CPSF2: variants seen among roughly 807,000 people sequenced by gnomAD.
CPSF2 encodes cleavage and polyadenylation specific factor 2.
A neutral mutation model predicts 84.2 loss-of-function variants in CPSF2; 51 were observed. The observed-to-expected ratio is 0.61, with a 90% CI of 0.48 to 0.77. The LOEUF (loss-of-function observed/expected upper bound fraction) is 0.77. Among genes scored for constraint, CPSF2 ranks in the 30% least tolerant of loss-of-function variants. CPSF2 has a pLI of 0.00. For synonymous variants in CPSF2, 286 were observed against 311.9 expected (o/e 0.92, Z 0.87); for missense variants, 641 against 929.4 (o/e 0.69, Z 4.03).
At position 92,143,111 on chromosome 14, in the gene CPSF2, T is replaced by G. The variant is rs1286943677; in HGVS notation, c.957T>G (p.Arg319=). The G allele has an allele frequency of 1.2e-6, 2 of 1,614,194 alleles. No individual in the cohort carries two copies. The highest frequency in any genetic ancestry group is 1.7e-5 in the Admixed American group (1 of 60,012). ...SLCHGLSDLA[R]VPSPKVVLAS... ...GTCATGGTCTTTCTGACTTGGCCCG[T>G]GTACCTAGCCCTAAAGTTGTACTTG... The change falls in exon 9 of 16, where the codon CGT becomes CGG. Residue 319 remains arginine (R), a synonymous_variant. Coordinates refer to ENST00000298875, the MANE Select transcript of CPSF2 (RefSeq NM_017437.3).
At position 92,157,082 on chromosome 14, in the gene CPSF2, G is replaced by A. The variant is rs1048102908; in HGVS notation, c.1595+451G>A. 6.6e-6 allele frequency among the ~76,000 whole-genome samples: 1 copy of A among 152,072 alleles called. No individual in the cohort carries two copies. The highest frequency in any genetic ancestry group is 2.1e-4 in the South Asian group (1 of 4,824). ...AGTAGTTAGAAACCTTTTTTCTCCCGCTTTCTACTTAGTTAAATAATACCA... is the reference window on the plus strand; with the variant it reads ...AGTAGTTAGAAACCTTTTTTCTCCCACTTTCTACTTAGTTAAATAATACCA... On this transcript the variant is annotated intron_variant, in intron 12 of 15. Coordinates refer to ENST00000298875, the MANE Select transcript of CPSF2 (RefSeq NM_017437.3). The surrounding 1 kb of genome is among the most constrained non-coding windows in gnomAD (Gnocchi z 4.0).
chr14:92,141,680 T>TACAGGCATGCGCCACCATG (rs2069080600), intron 7 of CPSF2, among the ~76,000 whole-genome samples: 1 of 151,882 alleles, frequency 6.6e-6, no homozygotes, highest in Non-Finnish European at 1.5e-5. Context: ...TTCGTGGGAG[T>TACAGGCATGCGCCACCATG]CCCGGGGCCA....
At chr14:92,132,354 C>T (rs962567543) in intron 3 of CPSF2, among the ~76,000 whole-genome samples, 26 of 151,820 alleles carry the variant, frequency 1.7e-4, no homozygotes, top group African/African-American at 5.6e-4. Flanking sequence ...AGACTGGTCC[C>T]GAACTCCTGA....
intron 9 of CPSF2, among the ~76,000 whole-genome samples, chr14:92,152,221 C>G (rs192677613): frequency 6.9e-4 from 105 of 152,176 alleles, no homozygotes; most frequent in Non-Finnish European, 1.1e-3. Flanking sequence ...CCTCCGCCTC[C>G]CAGGTTCAAG....
At chr14:92,136,847 T>G (rs1327001739) in intron 6 of CPSF2, among the ~76,000 whole-genome samples, 1 of 152,192 alleles carries the variant, frequency 6.6e-6, no homozygotes, top group African/African-American at 2.4e-5. Flanking sequence ...CTTTTAATTA[T>G]ATAACAAAAG....
chr14:92,154,172 C>T, intron 9 of CPSF2, 186 bp from the exon 10 acceptor site: 1 of 447,586 alleles, frequency 2.2e-6, no homozygotes, highest in Non-Finnish European at 4.0e-6. Flanking sequence ...TGTGACAGCT[C>T]AATTTTAATA....
chr14:92,136,635 C>T (rs1211886315), intron 6 of CPSF2, among the ~76,000 whole-genome samples: 2 of 152,164 alleles, frequency 1.3e-5, no homozygotes, highest in Non-Finnish European at 2.9e-5. Context: ...AAGGCAGCTC[C>T]CTTTGCTCAC....
At chr14:92,150,469 C>A (rs1180585164) in intron 9 of CPSF2, among the ~76,000 whole-genome samples, 1 of 151,676 alleles carries the variant, frequency 6.6e-6, no homozygotes, top group Non-Finnish European at 1.5e-5. Context: ...TCTCTGTTGC[C>A]CAGGTTGGAG....
intron 1 of CPSF2, among the ~76,000 whole-genome samples, chr14:92,125,615 G>C (rs1319919327): frequency 6.6e-6 from 1 of 152,024 alleles, no homozygotes; most frequent in Non-Finnish European, 1.5e-5. Flanking sequence ...TGCAGGACTA[G>C]GTTCACAGTT....
rs1464026657 is a variant in CPSF2, at chr14:92,159,308, T to C, written c.2121+26T>C. 2.0e-6 allele frequency: 3 copies of C among 1,537,252 alleles called. No individual in the cohort carries two copies. The African/African-American group carries it at 4.2e-5, about 21-fold the overall frequency. On this transcript the variant is annotated intron_variant, in intron 14 of 15. Coordinates refer to ENST00000298875, the MANE Select transcript of CPSF2 (RefSeq NM_017437.3). Reference sequence around the variant, plus strand: ...GTAAAAAAAGCATGTGCTTTTTTGATTTCTTCCTGAATTTGTCATCCTTCT... The same window carrying C: ...GTAAAAAAAGCATGTGCTTTTTTGACTTCTTCCTGAATTTGTCATCCTTCT...
At chr14:92,124,896 G>A (rs903574673) in intron 1 of CPSF2, among the ~76,000 whole-genome samples, 1 of 152,016 alleles carries the variant, frequency 6.6e-6, no homozygotes. Flanking sequence ...TACATTTGTG[G>A]CACGCATTAT....
rs561643605 is a variant in CPSF2, at chr14:92,159,351, G to T, written c.2121+69G>T. 1.8e-5 allele frequency: 24 copies of T among 1,331,478 alleles called. No individual in the cohort carries two copies. The East Asian group carries it at 4.6e-4, about 26-fold the overall frequency. 82.5% of individuals were successfully genotyped at this position (1,331,478 alleles called of 1,614,324 possible). A position where few individuals can be genotyped will look rare whatever the true frequency, so the allele number is the denominator to read the frequency against. ...ATCCTTCTAGTTTTCATGTCTTTTG[G>T]TTTTTTTCCCCCCTTCTAAAACTAA... On this transcript the variant is annotated intron_variant, in intron 14 of 15. Transcript: ENST00000298875.
chr14:92,149,944 T>C (rs1426403972), intron 9 of CPSF2, among the ~76,000 whole-genome samples: 2 of 152,192 alleles, frequency 1.3e-5, no homozygotes, highest in Non-Finnish European at 1.5e-5. Flanking sequence ...CATGAGTCAC[T>C]GCGCCTGGCC....
intron 1 of CPSF2, among the ~76,000 whole-genome samples, chr14:92,123,357 G>C (rs1437498123): frequency 6.6e-6 from 1 of 151,632 alleles, no homozygotes; most frequent in African/African-American, 2.4e-5. Context: ...GCCTGCCTCG[G>C]CCTCCCAAAG....
chr14:92,127,315 A>G (rs958077760), intron 2 of CPSF2, among the ~76,000 whole-genome samples: 2 of 152,234 alleles, frequency 1.3e-5, no homozygotes, highest in Admixed American at 1.3e-4. Context: ...CTCAGAATAA[A>G]TTAGAGACAG....
intron 6 of CPSF2, 93 bp downstream of exon 6, chr14:92,135,589 A>G (rs912693149): frequency 3.9e-5 from 53 of 1,368,194 alleles, no homozygotes; most frequent in Non-Finnish European, 5.0e-5. Flanking sequence ...TGTTTTGGTT[A>G]CCAGAAATTT....
At position 92,167,010 on chromosome 14, in the gene CPSF2, T is replaced by C. The variant is rs1567030139; in HGVS notation, c.*5266T>C. 3 of 112,500 alleles carry C rather than the reference T, an allele frequency of 2.7e-5. No homozygotes were observed. The highest frequency in any genetic ancestry group is 5.1e-5 in the Non-Finnish European group (3 of 58,358). 7.0% of individuals were successfully genotyped at this position (112,500 alleles called of 1,614,324 possible). A position where few individuals can be genotyped will look rare whatever the true frequency, so the allele number is the denominator to read the frequency against. On this transcript the variant is annotated 3_prime_UTR_variant, in exon 16 of 16. Transcript: ENST00000298875. ...TAGATTCTGCTTATCGATTTCTTTTTTTTCTTTTTTTTTTTTTTTGAGATA... is the reference window on the plus strand; with the variant it reads ...TAGATTCTGCTTATCGATTTCTTTTCTTTCTTTTTTTTTTTTTTTGAGATA...
chr14:92,153,189 T>C (rs928602207), intron 9 of CPSF2, among the ~76,000 whole-genome samples: 3 of 152,060 alleles, frequency 2.0e-5, no homozygotes, highest in Non-Finnish European at 4.4e-5. Context: ...AAAACAATTA[T>C]GTTTTTTATA....
rs1161991919 is a variant in CPSF2 at position 92,157,543 on chromosome 14, A to T, written c.1596-116A>T. 1 of 665,756 alleles carries T rather than the reference A, an allele frequency of 1.5e-6. No homozygotes were observed. Among genetic ancestry groups the T allele is most frequent in the South Asian group, 2.1e-5 (1 of 48,332 alleles). The allele number at this position is 665,756 out of a possible 1,614,324, so 41.2% of individuals were successfully genotyped here. A position where few individuals can be genotyped will look rare whatever the true frequency, so the allele number is the denominator to read the frequency against. On this transcript the variant is annotated intron_variant, in intron 12 of 15. Coordinates refer to ENST00000298875, the MANE Select transcript of CPSF2 (RefSeq NM_017437.3). This position sits in a 1 kb window ranked among gnomAD's most constrained non-coding sequence, Gnocchi z 4.0. ...AACAAAAATAAAATAAATCATACAGATACTATAACATGTGTATTTCTCAAA... is the reference window on the plus strand; with the variant it reads ...AACAAAAATAAAATAAATCATACAGTTACTATAACATGTGTATTTCTCAAA...
Sources: allele counts gnomAD v4.1 joint callset (sites outside exome capture counted in the v4.1 genomes callset), GRCh38; gene constraint gnomAD v4.1.1; non-coding constraint Gnocchi (gnomAD v3.1); transcripts MANE v1.5; gene names NCBI Gene and HGNC (gene_info 2026-07-23, HGNC 2026-07-21).